Variants in NIN observed in about 807,000 individuals in gnomAD.
NIN encodes the protein glycogen synthase kinase 3 beta-interacting protein.
NIN carries 137 observed loss-of-function variants against 257.6 expected under a neutral mutation model. The observed-to-expected ratio is 0.53, with a 90% confidence interval of 0.46 to 0.61. The LOEUF (loss-of-function observed/expected upper bound fraction) is 0.61, where lower values mean the gene tolerates loss of function less well. Among genes scored for constraint, NIN ranks in the 20% least tolerant of loss-of-function variants. The pLI, the probability that NIN is intolerant of heterozygous loss-of-function variation, is 0.00. For synonymous variants in NIN, 918 were observed against 919.8 expected (o/e 1.00, Z 0.04); for missense variants, 2,439 against 2,501.2 (o/e 0.98, Z 0.53).
intron 7 of NIN, among the ~76,000 whole-genome samples, chr14:50,773,984 C>T (rs559575374): frequency 6.6e-6 from 1 of 152,306 alleles, no homozygotes; most frequent in East Asian, 1.9e-4. Context: ...CCTCTTTATT[C>T]TGGGGTTAAA....
intron 16 of NIN, 115 bp downstream of exon 16, chr14:50,761,675 G>A (rs2042280036): frequency 8.4e-7 from 1 of 1,186,942 alleles, no homozygotes; most frequent in Non-Finnish European, 1.2e-6. Flanking sequence ...GAGGATGTGG[G>A]TTCCCAACAT....
At chr14:50,751,389 G>A (rs1454204115) in intron 21 of NIN, among the ~76,000 whole-genome samples, 1 of 152,172 alleles carries the variant, frequency 6.6e-6, no homozygotes, top group African/African-American at 2.4e-5. Flanking sequence ...TATTCTCCCA[G>A]CAAAGCATGA....
intron 21 of NIN, among the ~76,000 whole-genome samples, chr14:50,750,270 A>G (rs1051646571): frequency 1.3e-5 from 2 of 152,178 alleles, no homozygotes; most frequent in African/African-American, 4.8e-5. Flanking sequence ...GATCTGGGCA[A>G]TCCATGCATA....
At chr14:50,794,950 C>T (rs2043773990) in intron 4 of NIN, among the ~76,000 whole-genome samples, 3 of 152,172 alleles carry the variant, frequency 2.0e-5, no homozygotes, top group Non-Finnish European at 4.4e-5. Flanking sequence ...TAAAAGGTAA[C>T]AGATTGTGAG....
In NIN at chr14:50,772,211, A is replaced by G. The variant is rs572678370; in HGVS notation, c.981+90T>C. The G allele has an allele frequency of 4.9e-5, 60 of 1,226,112 alleles. No homozygotes were observed. In the African/African-American group the frequency reaches 7.5e-4, roughly 15 times the overall value. The allele number at this position is 1,226,112 out of a possible 1,614,324, so 76.0% of individuals were successfully genotyped here. The stretch of plus-strand genomic sequence containing the variant: ...TGAACAGAAGTACCATTAAGAAGAA[A>G]GAAAATCAAATCACAGTTTCCAAAA... On this transcript the variant is annotated intron_variant, in intron 9 of 30. Transcript: ENST00000530997.
rs2041293938 is a variant in NIN, at chr14:50,741,734, T to C, written c.5302-6A>G. 1.9e-5 allele frequency: 30 copies of C among 1,612,750 alleles called. No individual in the cohort carries two copies. The highest frequency in any genetic ancestry group is 2.4e-5 in the Non-Finnish European group (28 of 1,179,552). On this transcript the variant is annotated splice_polypyrimidine_tract_variant and splice_region_variant and intron_variant, in intron 24 of 30. Coordinates refer to ENST00000530997, the MANE Select transcript of NIN (RefSeq NM_020921.4). ...GTGTCTTCTAAATTCTGAACCTGTA[T>C]TGTGAGAATGATCTTTTACTGCTAC... is the stretch of plus-strand genomic sequence containing the variant.
At chr14:50,728,796 T>A (rs748706005) in intron 29 of NIN, among the ~76,000 whole-genome samples, 2 of 152,202 alleles carry the variant, frequency 1.3e-5, no homozygotes, top group African/African-American at 2.4e-5. Flanking sequence ...CTAAGTAATA[T>A]AAGATTGGAT....
At position 50,763,867 on chromosome 14, in the gene NIN, T is replaced by C. The variant is rs769589314; in HGVS notation, c.1733A>G (p.Glu578Gly). 5.0e-6 allele frequency: 8 copies of C among 1,613,830 alleles called. No individual in the cohort carries two copies. Among genetic ancestry groups the C allele is most frequent in the Middle Eastern group, 1.7e-4 (1 of 6,060 alleles). ...GCCACCGCTGTTAGCCTCAACTTCT[T>C]CTGACGGTGAGTTCTTCAACGGAAG... is the stretch of plus-strand genomic sequence containing the variant. ...LRLPLKNSPS[E>G]EVEANSGGIE... Residue 578 changes from glutamate (E) to glycine (G), a missense_variant, in exon 15 of 31, where the codon GAA becomes GGA. Coordinates refer to ENST00000530997, the MANE Select transcript of NIN (RefSeq NM_020921.4).
intron 24 of NIN, 54 bp downstream of exon 24, chr14:50,743,362 G>A (rs2041381268): frequency 8.9e-7 from 1 of 1,122,604 alleles, no homozygotes; most frequent in African/African-American, 1.5e-5. Context: ...GATTTCTGTT[G>A]GAAGATCTAG....
Position 50,770,496 on chromosome 14 carries a change from C to T in NIN, c.1326G>A (p.Glu442=). The change falls in exon 12 of 31, where the codon GAG becomes GAA. Residue 442 remains glutamate, a synonymous_variant. Transcript: ENST00000530997. ...ALKNELRKER[E]QILQQAGKQR... The stretch of plus-strand genomic sequence containing the variant: ...GCTTGCCTGCCTGCTGCAGGATCTG[C>T]TCTCTCTCTTTTCGGAGTTCATTTT... The T allele has an allele frequency of 1.2e-6, 2 of 1,614,184 alleles. No homozygotes were observed. Among genetic ancestry groups the T allele is most frequent in the Non-Finnish European group, 1.7e-6 (2 of 1,180,012 alleles).
intron 4 of NIN, among the ~76,000 whole-genome samples, chr14:50,793,233 T>C (rs2043679501): frequency 6.6e-6 from 1 of 152,038 alleles, no homozygotes; most frequent in Non-Finnish European, 1.5e-5. Context: ...GGAGACATCA[T>C]ATTAACAAAG....
chr14:50,792,595 T>TA, intron 5 of NIN, 117 bp downstream of exon 5: 1 of 1,019,552 alleles, frequency 9.8e-7, no homozygotes, highest in Non-Finnish European at 1.5e-6. Context: ...AAGGAGTTGG[T>TA]AACTGAGAAA....
intron 5 of NIN, among the ~76,000 whole-genome samples, chr14:50,787,932 T>C (rs1383040259): frequency 6.6e-6 from 1 of 152,132 alleles, no homozygotes; most frequent in Non-Finnish European, 1.5e-5. Context: ...TATTTTCTGT[T>C]TCAGCAGGAA....
intron 7 of NIN, among the ~76,000 whole-genome samples, chr14:50,773,551 G>C (rs760896869): frequency 4.6e-5 from 7 of 152,210 alleles, no homozygotes; most frequent in Non-Finnish European, 1.0e-4. Flanking sequence ...TGGTAGGCTA[G>C]CACAGCAGAA....
At chr14:50,770,781 C>T in intron 11 of NIN, 71 bp downstream of exon 11, 2 of 1,532,544 alleles carry the variant, frequency 1.3e-6, no homozygotes, top group Non-Finnish European at 1.8e-6. Context: ...TGTTCTGCCC[C>T]TGCAGCTGCA....
chr14:50,787,469 T>C (rs868242841), intron 5 of NIN, among the ~76,000 whole-genome samples: 1 of 152,234 alleles, frequency 6.6e-6, no homozygotes, highest in Non-Finnish European at 1.5e-5. Flanking sequence ...CACTTGTTTC[T>C]TAACAAAGTA....
At chr14:50,747,363 G>GTTACT (rs1282998816) in intron 22 of NIN, among the ~76,000 whole-genome samples, 2 of 152,158 alleles carry the variant, frequency 1.3e-5, no homozygotes, top group African/African-American at 4.8e-5. Flanking sequence ...ACAAACATAT[G>GTTACT]TTACTTTATA....
At chr14:50,767,613 C>G (rs61985510) in intron 12 of NIN, among the ~76,000 whole-genome samples, 26 of 152,048 alleles carry the variant, frequency 1.7e-4, no homozygotes, top group South Asian at 4.2e-4. Context: ...GTCAGGAGAT[C>G]GAGACCATCC....
chr14:50,797,546 G>A (rs926299937), intron 4 of NIN, among the ~76,000 whole-genome samples: 3 of 152,166 alleles, frequency 2.0e-5, no homozygotes, highest in Admixed American at 1.3e-4. Context: ...TCCCCAAGAA[G>A]CTTTCTTGGG....
Sources: gnomAD v4.1 joint callset for allele counts (sites outside exome capture counted in the v4.1 genomes callset) on GRCh38, gnomAD v4.1.1 for gene constraint, MANE v1.5 for transcripts, NCBI Gene and HGNC (gene_info 2026-07-23, HGNC 2026-07-21) for gene names.